Variants in CHD6 observed in about 807,000 individuals in gnomAD.
CHD6 encodes the protein ATP-dependent chromatin remodeler CHD6.
Under a neutral mutation model 276.9 loss-of-function variants are expected in CHD6, and 50 were observed. The observed-to-expected ratio is 0.18, with a 90% CI of 0.14 to 0.23. The LOEUF is 0.23. CHD6 is among the 10% of genes least tolerant of loss of function. The pLI is 1.00. For missense variants in CHD6, 2,564 were observed against 3,365.8 expected (o/e 0.76, Z 5.89); for synonymous variants, 1,173 against 1,229.3 (o/e 0.95, Z 0.96).
At chr20:41,611,749 T>C (rs2045889438) in intron 1 of CHD6, among the ~76,000 whole-genome samples, 1 of 152,172 alleles carries the variant, frequency 6.6e-6, no homozygotes, top group Non-Finnish European at 1.5e-5. Flanking sequence ...GCGATTCTCC[T>C]GCCTCAGCCT....
rs1375585086 is a variant in CHD6 at position 41,473,521 on chromosome 20, A to C, written c.2469-4T>G. 9 of 1,613,018 alleles carry C rather than the reference A, an allele frequency of 5.6e-6. No individual in the cohort carries two copies. The Admixed American group carries it at 8.3e-5, about 15-fold the overall frequency. Reference sequence around the variant, plus strand: ...ATCAATTCGCTCATAGGTGTATCTGAGGGGACCCAAATGAACGAAAGCCCA... The same window carrying C: ...ATCAATTCGCTCATAGGTGTATCTGCGGGGACCCAAATGAACGAAAGCCCA... On this transcript the variant is annotated splice_polypyrimidine_tract_variant and splice_region_variant and intron_variant, in intron 16 of 36. Transcript: ENST00000373233. This position sits in a 1 kb window ranked among gnomAD's most constrained non-coding sequence, Gnocchi z 4.1.
intron 1 of CHD6, among the ~76,000 whole-genome samples, chr20:41,578,617 T>G (rs1601161026): frequency 7.0e-6 from 1 of 143,138 alleles, no homozygotes; most frequent in South Asian, 2.2e-4. Flanking sequence ...GAGGTGGAGG[T>G]CGCAGTGAGC....
intron 1 of CHD6, among the ~76,000 whole-genome samples, chr20:41,617,970 G>A (rs892097771): frequency 1.4e-5 from 2 of 144,012 alleles, no homozygotes; most frequent in African/African-American, 2.5e-5. Context: ...GGCACGCCCC[G>A]CCCCCGCCCG....
At chr20:41,545,526 A>G (rs990717552) in intron 2 of CHD6, among the ~76,000 whole-genome samples, 5 of 152,130 alleles carry the variant, frequency 3.3e-5, no homozygotes, top group Non-Finnish European at 7.4e-5. Context: ...GACCCTCTGC[A>G]GGATGAGGCC....
intron 1 of CHD6, among the ~76,000 whole-genome samples, chr20:41,556,869 C>T (rs1601139305): frequency 6.6e-6 from 1 of 152,142 alleles, no homozygotes; most frequent in Non-Finnish European, 1.5e-5. Flanking sequence ...TAAAGGCACA[C>T]ATTAAAAAAT....
intron 36 of CHD6, among the ~76,000 whole-genome samples, 183 bp downstream of exon 36, chr20:41,411,961 C>T (rs1165205518): frequency 2.0e-5 from 3 of 152,192 alleles, no homozygotes; most frequent in Non-Finnish European, 2.9e-5. Flanking sequence ...AGTCACAGAG[C>T]GCTCAAAAAT....
rs1457968421 is a variant in CHD6 at position 41,421,702 on chromosome 20, A to G, written c.4933T>C (p.Tyr1645His). ...TNSKLYESLT[Y>H]SQMSRTSESL... Reference sequence around the variant, plus strand: ...TCTGAAGTCCTACTCATTTGAGAATATGTAAGAGATTCATATAACTTGGAG... The same window carrying G: ...TCTGAAGTCCTACTCATTTGAGAATGTGTAAGAGATTCATATAACTTGGAG... The change falls in exon 31 of 37, where the codon TAT (tyrosine) becomes CAT (histidine). Residue 1645 changes from tyrosine (Y) to histidine (H), a missense_variant. Physicochemically the swap from Tyr to His is moderately conservative, Grantham distance 83. This residue lies in a region of CHD6 where 1,024 missense variants were observed against 1,047.9 expected (regional missense o/e 0.98). Transcript: ENST00000373233. 6.2e-7 allele frequency: 1 copy of G among 1,614,018 alleles called. No homozygotes were observed. Among genetic ancestry groups the G allele is most frequent in the Non-Finnish European group, 8.5e-7 (1 of 1,180,004 alleles).
chr20:41,602,949 C>G lies in CHD6; in HGVS notation c.-24+15391G>C, dbSNP rs563183246. ...CTGCCTGCCTCATCCCCTCAAAGTG[C>G]TAGGATTACAGGCATGAGCCACCGT... On this transcript the variant is annotated intron_variant, in intron 1 of 36. Transcript: ENST00000373233. Among the ~76,000 whole-genome samples the G allele has an allele frequency of 1.5e-4, 23 of 152,234 alleles. No individual in the cohort carries two copies. In the East Asian group the frequency reaches 4.3e-3, roughly 28 times the overall value.
rs573302357 is a variant in CHD6 at position 41,608,040 on chromosome 20, T to C, written c.-24+10300A>G. 1.1e-4 allele frequency among the ~76,000 whole-genome samples: 16 copies of C among 152,308 alleles called. 3 individuals carry two copies. The highest frequency in any genetic ancestry group is 3.6e-4 in the African/African-American group (15 of 41,576). On this transcript the variant is annotated intron_variant, in intron 1 of 36. Transcript: ENST00000373233. ...CTAATGACCACACGATGAAAGAGTC[T>C]AGCACCATACCTGGCACATAGTAAG...
intron 27 of CHD6, among the ~76,000 whole-genome samples, chr20:41,431,095 A>G (rs2047524224): frequency 6.6e-6 from 1 of 152,042 alleles, no homozygotes; most frequent in South Asian, 2.1e-4. Flanking sequence ...AGCCTCCCAA[A>G]GGCTGGGATT....
rs1476514177 is a variant in CHD6, at chr20:41,404,185, C to T, written c.*408G>A. ...CCTGTGACATTCTTCCTGTGCAACC[C>T]AGCTCACAGAAAAAGAGCTCCTCTT... On this transcript the variant is annotated 3_prime_UTR_variant, in exon 37 of 37. Coordinates refer to ENST00000373233, the MANE Select transcript of CHD6 (RefSeq NM_032221.5). 2 of 1,065,180 alleles carry T rather than the reference C, an allele frequency of 1.9e-6. No homozygotes were observed. The highest frequency in any genetic ancestry group is 3.3e-5 in the African/African-American group (2 of 61,034). 66.0% of individuals were successfully genotyped at this position (1,065,180 alleles called of 1,614,324 possible). A position where few individuals can be genotyped will look rare whatever the true frequency, so the allele number is the denominator to read the frequency against.
intron 1 of CHD6, chr20:41,614,680 G>A (rs2045919309): frequency 6.6e-6 from 1 of 152,188 alleles, no homozygotes. Context: ...GACAAGCATG[G>A]ATATTTTAAA....
intron 29 of CHD6, among the ~76,000 whole-genome samples, 159 bp downstream of exon 29, chr20:41,425,019 G>C (rs749093278): frequency 5.9e-5 from 9 of 152,164 alleles, no homozygotes; most frequent in Non-Finnish European, 1.3e-4. Context: ...CCATCACCAT[G>C]ATACCATCAC....
In CHD6 at chr20:41,591,088, A is replaced by C. The variant is rs183503218; in HGVS notation, c.-24+27252T>G. On this transcript the variant is annotated intron_variant, in intron 1 of 36. Coordinates refer to ENST00000373233, the MANE Select transcript of CHD6 (RefSeq NM_032221.5). ...GACATGGATGAAGCTGGAAAGCATC[A>C]TTCTCAGCAAACTATTGCAGGGACA... Among the ~76,000 whole-genome samples the C allele has an allele frequency of 5.3e-4, 80 of 151,998 alleles. No individual in the cohort carries two copies. In the East Asian group the frequency reaches 0.012, roughly 24 times the overall value.
intron 23 of CHD6, among the ~76,000 whole-genome samples, chr20:41,449,142 A>G (rs1021183644): frequency 1.3e-5 from 2 of 152,112 alleles, no homozygotes; most frequent in Admixed American, 6.6e-5. Context: ...ATCTCAGGTG[A>G]TTCACCCGCC....
chr20:41,614,482 A>G (rs1327107181), intron 1 of CHD6, among the ~76,000 whole-genome samples: 1 of 152,226 alleles, frequency 6.6e-6, no homozygotes, highest in Non-Finnish European at 1.5e-5. Flanking sequence ...GTTACATCAT[A>G]TACACCCCAT....
In CHD6 at chr20:41,404,289, A is replaced by C. The variant is rs369232694; in HGVS notation, c.*304T>G. 14 of 1,110,980 alleles carry C rather than the reference A, an allele frequency of 1.3e-5. No individual in the cohort carries two copies. The East Asian group carries it at 3.6e-4, about 29-fold the overall frequency. 68.8% of individuals were successfully genotyped at this position (1,110,980 alleles called of 1,614,324 possible). On this transcript the variant is annotated 3_prime_UTR_variant, in exon 37 of 37. Coordinates refer to ENST00000373233, the MANE Select transcript of CHD6 (RefSeq NM_032221.5). Reference sequence around the variant, plus strand: ...CATTTTTCCTCCTCAAGTGAGTGGGAAACTTGGAAGAGAAGGGGGTAGGGC... The same window carrying C: ...CATTTTTCCTCCTCAAGTGAGTGGGCAACTTGGAAGAGAAGGGGGTAGGGC...
In CHD6 at chr20:41,489,781, G is replaced by A. The variant is rs2043505644; in HGVS notation, c.1677C>T (p.Ala559=). 2 of 1,613,870 alleles carry A rather than the reference G, an allele frequency of 1.2e-6. No individual in the cohort carries two copies. The change falls in exon 12 of 37, where the codon GCC becomes GCT. Residue 559 remains alanine (A), a synonymous_variant. Coordinates refer to ENST00000373233, the MANE Select transcript of CHD6 (RefSeq NM_032221.5). ...IQQYEMVYRD[A]QGNPLSGVFK... ...TCTGATCTCACGTGAGGCTCACCTGGGCGTCTCTGTACACCATTTCATACT... is the reference window on the plus strand; with the variant it reads ...TCTGATCTCACGTGAGGCTCACCTGAGCGTCTCTGTACACCATTTCATACT...
intron 12 of CHD6, 30 bp downstream of exon 12, chr20:41,489,748 C>T: frequency 6.2e-7 from 1 of 1,613,000 alleles, no homozygotes; most frequent in African/African-American, 1.3e-5. Context: ...TTAGGCAGTC[C>T]CTGGGTCTCT....
Sources: gnomAD v4.1 joint callset for allele counts (sites outside exome capture counted in the v4.1 genomes callset) on GRCh38, gnomAD v4.1.1 for gene constraint, gnomAD v4.1.1 regional missense constraint, Gnocchi (gnomAD v3.1) non-coding constraint, MANE v1.5 for transcripts, NCBI Gene and HGNC (gene_info 2026-07-23, HGNC 2026-07-21) for gene names.